The following PCDHA12 variants were observed in gnomAD, a reference collection of about 807,000 sequenced individuals.
PCDHA12 encodes the protein protocadherin alpha-12.
Under a neutral mutation model 60.0 loss-of-function variants are expected in PCDHA12, and 44 were observed. That is an observed-to-expected ratio of 0.73 (90% CI 0.58 to 0.94). The LOEUF (loss-of-function observed/expected upper bound fraction) is 0.94, where lower values mean the gene tolerates loss of function less well. Among genes scored for constraint, PCDHA12 ranks in the 40% least tolerant of loss-of-function variants. PCDHA12 has a pLI of 0.00. For synonymous variants in PCDHA12, 569 were observed against 553.0 expected (o/e 1.03, Z -0.40); for missense variants, 1,276 against 1,239.7 (o/e 1.03, Z -0.44).
chr5:141,010,274 T>C lies in PCDHA12; in HGVS notation c.*337T>C, dbSNP rs1554262865. On this transcript the variant is annotated 3_prime_UTR_variant, in exon 4 of 4. Coordinates refer to ENST00000398631, the MANE Select transcript of PCDHA12 (RefSeq NM_018903.4). ...TCTGCCCTGTGCTCCGGGGATCCTG[T>C]CTTGATGACACTTGCAGGGCAGGCT... is the stretch of plus-strand genomic sequence containing the variant. The C allele has an allele frequency of 6.4e-7, 1 of 1,551,424 alleles. No homozygotes were observed. Among genetic ancestry groups the C allele is most frequent in the Admixed American group, 2.0e-5 (1 of 50,930 alleles).
At chr5:140,973,599 T>C (rs952944512) in intron 1 of PCDHA12, among the ~76,000 whole-genome samples, 7 of 152,258 alleles carry the variant, frequency 4.6e-5, no homozygotes, top group African/African-American at 1.4e-4. Flanking sequence ...GATGGAATTA[T>C]GGCTGAGCTC....
intron 3 of PCDHA12, 56 bp downstream of exon 3, chr5:140,982,619 C>G (rs561557496): frequency 7.5e-6 from 12 of 1,589,654 alleles, no homozygotes; most frequent in Middle Eastern, 3.4e-4. Context: ...GATCAGATGA[C>G]CTACTTTTGT....
intron 1 of PCDHA12, among the ~76,000 whole-genome samples, chr5:140,970,875 AT>A (rs1213440334): frequency 6.6e-6 from 1 of 152,100 alleles, no homozygotes; most frequent in African/African-American, 2.4e-5. Flanking sequence ...TTGAGAGTAG[AT>A]TTTTCTCATG....
At chr5:140,882,565 C>T (rs782122682) in intron 1 of PCDHA12, 5 of 1,614,118 alleles carry the variant, frequency 3.1e-6, no homozygotes, top group Non-Finnish European at 4.2e-6. Context: ...GTGGGCGGAG[C>T]GCGGAGTGCA....
intron 1 of PCDHA12, among the ~76,000 whole-genome samples, chr5:140,978,203 C>T (rs1231262283): frequency 6.6e-6 from 1 of 152,178 alleles, no homozygotes; most frequent in East Asian, 1.9e-4. Context: ...CAATACACAA[C>T]TAATGCAAAA....
intron 1 of PCDHA12, chr5:140,882,963 T>C (rs2059384915): frequency 3.7e-6 from 6 of 1,614,088 alleles, no homozygotes; most frequent in Admixed American, 1.7e-5. Context: ...CTCATCACGA[T>C]TCTGGACGTG....
chr5:140,968,832 C>A (rs1554231147), intron 1 of PCDHA12: 1 of 1,614,200 alleles, frequency 6.2e-7, no homozygotes, highest in East Asian at 2.2e-5. Flanking sequence ...AAAATCCTCC[C>A]TGACACTCAG....
intron 1 of PCDHA12, among the ~76,000 whole-genome samples, chr5:140,880,869 G>A (rs1017640769): frequency 2.0e-5 from 3 of 152,064 alleles, no homozygotes; most frequent in Non-Finnish European, 4.4e-5. Context: ...TATGTGAAGA[G>A]GTAAATAAAG....
At chr5:140,886,554 A>G (rs2061020893) in intron 1 of PCDHA12, among the ~76,000 whole-genome samples, 1 of 152,078 alleles carries the variant, frequency 6.6e-6, no homozygotes, top group South Asian at 2.1e-4. Flanking sequence ...CCAGCTGGGC[A>G]CGGTGGCTCA....
chr5:140,875,432 T>C lies in PCDHA12; in HGVS notation c.-41T>C, dbSNP rs1268206649. 1.9e-6 allele frequency: 3 copies of C among 1,559,782 alleles called. No homozygotes were observed. The highest frequency in any genetic ancestry group is 2.6e-6 in the Non-Finnish European group (3 of 1,155,090). On this transcript the variant is annotated 5_prime_UTR_variant, in exon 1 of 4. Transcript: ENST00000398631. ...AAAATACCTCAGGCAAGCGATCCCT[T>C]AAAACTGATTGTCCCAACTCAGAGG...
chr5:140,932,991 C>T (rs2088784414), intron 1 of PCDHA12, among the ~76,000 whole-genome samples: 1 of 151,940 alleles, frequency 6.6e-6, no homozygotes, highest in African/African-American at 2.4e-5. Context: ...AAATGCATGT[C>T]ATATGAATAT....
intron 3 of PCDHA12, among the ~76,000 whole-genome samples, chr5:141,004,974 G>T (rs557503446): frequency 6.6e-6 from 1 of 152,302 alleles, no homozygotes; most frequent in South Asian, 2.1e-4. Context: ...CTGTAAATTT[G>T]CAGTATCATT....
At chr5:140,913,028 T>C (rs1483903035) in intron 1 of PCDHA12, among the ~76,000 whole-genome samples, 1 of 152,232 alleles carries the variant, frequency 6.6e-6, no homozygotes, top group Non-Finnish European at 1.5e-5. Flanking sequence ...TCAATATTCA[T>C]CAGATATATT....
intron 1 of PCDHA12, among the ~76,000 whole-genome samples, chr5:140,975,301 C>A (rs943526337): frequency 2.3e-4 from 35 of 152,200 alleles, no homozygotes; most frequent in African/African-American, 8.4e-4. Flanking sequence ...TTAAAGAGCT[C>A]ATGTGATTAT....
rs781972677 is a variant in PCDHA12, at chr5:140,875,864, C to G, written c.392C>G (p.Pro131Arg). Residue 131 changes from proline to arginine, a missense_variant, in exon 1 of 4, where the codon CCG becomes CGG. Coordinates refer to ENST00000398631, the MANE Select transcript of PCDHA12 (RefSeq NM_018903.4). The part of the protein sequence containing the change: ...VEVKDINDNP[P>R]VFREREQKVP... Reference sequence around the variant, plus strand: ...GTGAAGGACATTAACGACAACCCGCCGGTGTTCAGAGAAAGGGAACAAAAG... The same window carrying G: ...GTGAAGGACATTAACGACAACCCGCGGGTGTTCAGAGAAAGGGAACAAAAG... 2 of 1,614,168 alleles carry G rather than the reference C, an allele frequency of 1.2e-6. No individual in the cohort carries two copies. The highest frequency in any genetic ancestry group is 1.1e-5 in the South Asian group (1 of 91,074).
intron 1 of PCDHA12, among the ~76,000 whole-genome samples, chr5:140,907,411 G>A (rs1053744231): frequency 8.5e-5 from 13 of 152,192 alleles, no homozygotes; most frequent in Admixed American, 2.6e-4. Flanking sequence ...GGAATACCAC[G>A]ATGGTGGATA....
chr5:140,946,980 T>G (rs757011315), intron 1 of PCDHA12, among the ~76,000 whole-genome samples: 4 of 151,702 alleles, frequency 2.6e-5, no homozygotes, highest in Non-Finnish European at 5.9e-5. Context: ...AATAGAGGAT[T>G]TTGAGTGTTC....
At chr5:141,009,179 G>C (rs1343163889) in intron 3 of PCDHA12, among the ~76,000 whole-genome samples, 2 of 152,212 alleles carry the variant, frequency 1.3e-5, no homozygotes, top group Non-Finnish European at 2.9e-5. Flanking sequence ...CCTTGGCTGG[G>C]TGTGGTAGCT....
At chr5:140,893,984 AT>A (rs1305613741) in intron 1 of PCDHA12, among the ~76,000 whole-genome samples, 1 of 152,200 alleles carries the variant, frequency 6.6e-6, no homozygotes, top group South Asian at 2.1e-4. Context: ...TAATTTTAAA[AT>A]ATCTCCAATT....
Sources: gnomAD v4.1 joint callset for allele counts (sites outside exome capture counted in the v4.1 genomes callset) on GRCh38, gnomAD v4.1.1 for gene constraint, MANE v1.5 for transcripts, NCBI Gene and HGNC (gene_info 2026-07-23, HGNC 2026-07-21) for gene names.